The following ST8SIA4 variants were observed in gnomAD, a reference collection of about 807,000 sequenced individuals.
ST8SIA4 encodes CMP-N-acetylneuraminate-poly-alpha-2,8-sialyltransferase.
A neutral mutation model predicts 33.9 loss-of-function variants in ST8SIA4; 15 were observed. The observed-to-expected ratio is 0.44, with a 90% CI of 0.30 to 0.68. The LOEUF is 0.68. Among genes scored for constraint, ST8SIA4 ranks in the 30% least tolerant of loss-of-function variants. The pLI, the probability that ST8SIA4 is intolerant of heterozygous loss-of-function variation, is 0.10. For missense variants in ST8SIA4, 321 were observed against 428.0 expected, an observed-to-expected ratio of 0.75 and a Z score of 2.21; for synonymous variants, 171 against 151.2, an observed-to-expected ratio of 1.13 and a Z score of -0.96.
intron 4 of ST8SIA4, among the ~76,000 whole-genome samples, chr5:100,837,251 TA>T (rs1286697842): frequency 6.6e-6 from 1 of 152,032 alleles, no homozygotes; most frequent in Admixed American, 6.6e-5. Context: ...GATTATTATA[TA>T]AAGTATCCAT....
intron 3 of ST8SIA4, among the ~76,000 whole-genome samples, chr5:100,884,437 T>C (rs1361340455): frequency 1.3e-5 from 2 of 152,106 alleles, no homozygotes; most frequent in East Asian, 3.9e-4. Context: ...TTTTTTGGGA[T>C]CAGAATTTTA....
chr5:100,886,053 T>C (rs1004111649), intron 3 of ST8SIA4: 51 of 1,121,414 alleles, frequency 4.5e-5, no homozygotes, highest in Non-Finnish European at 5.6e-5. Flanking sequence ...AAAAAGTTTG[T>C]GTGGAATATT....
chr5:100,810,830 T>G lies in ST8SIA4; in HGVS notation c.*1017A>C, dbSNP rs576656013. 1 of 152,684 alleles carries G rather than the reference T, an allele frequency of 6.5e-6. No homozygotes were observed. Among genetic ancestry groups the G allele is most frequent in the South Asian group, 2.1e-4 (1 of 4,822 alleles). The allele number at this position is 152,684 out of a possible 1,614,324, so 9.5% of individuals were successfully genotyped here. ...TAGTGGTTCACTTTAGCTGGTACCT[T>G]CTACACCACTGGAAAATAACATGGA... On this transcript the variant is annotated 3_prime_UTR_variant, in exon 5 of 5. Transcript: ENST00000231461.
At position 100,809,513 on chromosome 5, in the gene ST8SIA4, G is replaced by C. The variant is rs2548266; in HGVS notation, c.*2334C>G. ...TATGCTAAAAATGGCAAGGTACCTTGCTGCTGCTTTTTTAAGATATACTTT... is the reference window on the plus strand; with the variant it reads ...TATGCTAAAAATGGCAAGGTACCTTCCTGCTGCTTTTTTAAGATATACTTT... On this transcript the variant is annotated 3_prime_UTR_variant, in exon 5 of 5. Transcript: ENST00000231461. The C allele has an allele frequency of 1.3e-5, 2 of 151,474 alleles. No individual in the cohort carries two copies. Among genetic ancestry groups the C allele is most frequent in the African/African-American group, 4.8e-5 (2 of 41,246 alleles). 9.4% of individuals were successfully genotyped at this position (151,474 alleles called of 1,614,324 possible). A position where few individuals can be genotyped will look rare whatever the true frequency, so the allele number is the denominator to read the frequency against.
intron 4 of ST8SIA4, among the ~76,000 whole-genome samples, chr5:100,841,006 T>G (rs972371231): frequency 1.3e-5 from 2 of 151,796 alleles, no homozygotes; most frequent in African/African-American, 2.4e-5. Flanking sequence ...TTATTTCCTG[T>G]GCACACCAAG....
intron 4 of ST8SIA4, among the ~76,000 whole-genome samples, chr5:100,847,640 A>G (rs1461139188): frequency 6.6e-6 from 1 of 152,116 alleles, no homozygotes; most frequent in Non-Finnish European, 1.5e-5. Context: ...TTTGTTAGAA[A>G]CCATAAAAAA....
At chr5:100,855,725 A>G (rs1369508713) in intron 4 of ST8SIA4, among the ~76,000 whole-genome samples, 1 of 152,202 alleles carries the variant, frequency 6.6e-6, no homozygotes, top group East Asian at 1.9e-4. Flanking sequence ...CCTTAAATAT[A>G]TCTAACATTT....
At chr5:100,814,166 A>C (rs1750867864) in intron 4 of ST8SIA4, among the ~76,000 whole-genome samples, 1 of 152,060 alleles carries the variant, frequency 6.6e-6, no homozygotes, top group Non-Finnish European at 1.5e-5. Flanking sequence ...TATTGGCTTT[A>C]AAATGGTGTC....
chr5:100,836,635 T>A (rs1432466789), intron 4 of ST8SIA4, among the ~76,000 whole-genome samples: 3 of 152,180 alleles, frequency 2.0e-5, no homozygotes, highest in African/African-American at 7.2e-5. Flanking sequence ...TCACGTTGAC[T>A]TCTCCAACTT....
At chr5:100,861,079 C>T (rs1345430510) in intron 3 of ST8SIA4, among the ~76,000 whole-genome samples, 1 of 152,030 alleles carries the variant, frequency 6.6e-6, no homozygotes, top group Non-Finnish European at 1.5e-5. Context: ...AATGGACTTT[C>T]ATGTGGTATA....
chr5:100,888,011 T>C (rs1752578178), intron 2 of ST8SIA4, among the ~76,000 whole-genome samples: 1 of 151,900 alleles, frequency 6.6e-6, no homozygotes, highest in African/African-American at 2.4e-5. Context: ...TGCCTTCCCA[T>C]ATAAGTCCAT....
chr5:100,846,649 T>C (rs1310504650), intron 4 of ST8SIA4, among the ~76,000 whole-genome samples: 1 of 151,956 alleles, frequency 6.6e-6, no homozygotes, highest in South Asian at 2.1e-4. Context: ...AAATGATCTA[T>C]GTGAAGAAGA....
At chr5:100,859,472 TG>T (rs1380139411) in intron 3 of ST8SIA4, among the ~76,000 whole-genome samples, 2 of 152,094 alleles carry the variant, frequency 1.3e-5, no homozygotes, top group Admixed American at 6.6e-5. Flanking sequence ...ATATTTGACA[TG>T]TTGAAAACAT....
chr5:100,870,281 A>G (rs1425937367), intron 3 of ST8SIA4, among the ~76,000 whole-genome samples: 1 of 152,100 alleles, frequency 6.6e-6, no homozygotes, highest in East Asian at 1.9e-4. Flanking sequence ...AGTCTTTGCT[A>G]TTGTGAATAG....
At chr5:100,846,997 C>T (rs551788680) in intron 4 of ST8SIA4, among the ~76,000 whole-genome samples, 4 of 152,146 alleles carry the variant, frequency 2.6e-5, no homozygotes, top group South Asian at 4.2e-4. Flanking sequence ...ACTGAAGTTC[C>T]GGAAGTGTGC....
At chr5:100,815,058 A>G (rs1230505842) in intron 4 of ST8SIA4, among the ~76,000 whole-genome samples, 1 of 152,052 alleles carries the variant, frequency 6.6e-6, no homozygotes, top group Non-Finnish European at 1.5e-5. Context: ...TCAGTATAAC[A>G]TGTTCCAGCT....
chr5:100,831,988 G>GTTTTAAATATTTCC (rs972863399), intron 4 of ST8SIA4, among the ~76,000 whole-genome samples: 5 of 151,916 alleles, frequency 3.3e-5, no homozygotes, highest in African/African-American at 1.2e-4. Flanking sequence ...TAAAATATTG[G>GTTTTAAATATTTCC]TTCTAGGAAA....
chr5:100,853,648 G>A (rs1031598613), intron 4 of ST8SIA4, among the ~76,000 whole-genome samples: 1 of 152,172 alleles, frequency 6.6e-6, no homozygotes, highest in African/African-American at 2.4e-5. Context: ...AAAGTGAATA[G>A]GACAAAAGAT....
intron 4 of ST8SIA4, among the ~76,000 whole-genome samples, chr5:100,822,541 A>T (rs999430986): frequency 3.3e-5 from 5 of 152,222 alleles, no homozygotes; most frequent in African/African-American, 1.2e-4. Context: ...TAGGAATGCT[A>T]AAAGAATTGA....
Sources: gnomAD v4.1 joint callset for allele counts (sites outside exome capture counted in the v4.1 genomes callset) on GRCh38, gnomAD v4.1.1 for gene constraint, MANE v1.5 for transcripts, NCBI Gene and HGNC (gene_info 2026-07-23, HGNC 2026-07-21) for gene names.